The following GARNL3 variants were observed in gnomAD, a reference collection of about 807,000 sequenced individuals.
GARNL3 encodes GTPase activating Rap/RanGAP domain like 3, also known as GTPase-activating Rap/Ran-GAP domain-like protein 3.
A neutral mutation model predicts 125.0 loss-of-function variants in GARNL3; 63 were observed. The ratio of observed to expected loss-of-function variants is 0.50; its 90% CI spans 0.41 to 0.62. GARNL3 has a LOEUF of 0.62. GARNL3 is among the 20% of genes least tolerant of loss of function. The probability of loss-of-function intolerance (pLI) is 0.00; values close to 1 mark genes in which losing one functional copy is unlikely to be tolerated. For synonymous variants in GARNL3, 439 were observed against 457.5 expected (o/e 0.96, Z 0.52); for missense variants, 994 against 1,244.0 (o/e 0.80, Z 3.02).
chr9:127,316,539 C>T (rs1030376420), intron 4 of GARNL3, among the ~76,000 whole-genome samples: 2 of 152,120 alleles, frequency 1.3e-5, no homozygotes, highest in Non-Finnish European at 2.9e-5. Context: ...CAGAAGAACT[C>T]GGGTTTCAAT....
intron 26 of GARNL3, among the ~76,000 whole-genome samples, chr9:127,389,455 G>A (rs1832716262): frequency 6.6e-6 from 1 of 152,150 alleles, no homozygotes. Flanking sequence ...GTGTCTAGAA[G>A]GATTTATATC....
intron 17 of GARNL3, 81 bp downstream of exon 17, chr9:127,349,116 C>G: frequency 1.1e-6 from 1 of 921,062 alleles, no homozygotes; most frequent in Non-Finnish European, 1.8e-6. Flanking sequence ...CAACCAACTC[C>G]CTTTGGGCCA....
intron 21 of GARNL3, among the ~76,000 whole-genome samples, chr9:127,357,636 G>A (rs912621154): frequency 2.0e-5 from 3 of 151,934 alleles, no homozygotes; most frequent in Non-Finnish European, 4.4e-5. Context: ...CCATCCTTCC[G>A]AATAAAAGAG....
intron 2 of GARNL3, among the ~76,000 whole-genome samples, chr9:127,249,355 G>T (rs1314144776): frequency 6.6e-6 from 1 of 151,994 alleles, no homozygotes; most frequent in Admixed American, 6.5e-5. Flanking sequence ...AGGCTGAGGT[G>T]GGTGGATCAC....
intron 1 of GARNL3, among the ~76,000 whole-genome samples, chr9:127,241,868 A>T (rs1328087531): frequency 6.6e-6 from 1 of 152,116 alleles, no homozygotes; most frequent in Non-Finnish European, 1.5e-5. Flanking sequence ...CCTGGGTTCA[A>T]GTGATTCCTT....
intron 5 of GARNL3, 74 bp downstream of exon 5, chr9:127,318,201 CTGA>C: frequency 1.1e-6 from 1 of 886,544 alleles, no homozygotes; most frequent in South Asian, 1.3e-5. Flanking sequence ...TGTGATCATT[CTGA>C]TGTTACCTTT....
Position 127,344,302 on chromosome 9 carries a change from A to G in GARNL3, c.1319A>G (p.Glu440Gly). Residue 440 changes from glutamate (E) to glycine (G), a missense_variant, in exon 15 of 28, where the codon GAG becomes GGG. By Grantham distance (98) the Glu-to-Gly change is moderately conservative. This residue lies in a region of GARNL3 where 728 missense variants were observed against 865.7 expected (regional missense o/e 0.84). Transcript: ENST00000373387. The part of the protein sequence containing the change: ...PESPKSARKK[E>G]EARQAEFVRI... The stretch of plus-strand genomic sequence containing the variant: ...TCACCCAAGTCAGCGCGGAAGAAAG[A>G]GGAGGCCCGCCAGGCGGAGTTTGTT... 6.2e-7 allele frequency: 1 copy of G among 1,614,062 alleles called. No individual in the cohort carries two copies. The highest frequency in any genetic ancestry group is 1.1e-5 in the South Asian group (1 of 91,078).
chr9:127,278,517 A>T (rs1209389083), intron 1 of GARNL3, among the ~76,000 whole-genome samples: 1 of 152,184 alleles, frequency 6.6e-6, no homozygotes, highest in Non-Finnish European at 1.5e-5. Context: ...TTTCTTAATC[A>T]TTACATATCT....
intron 22 of GARNL3, among the ~76,000 whole-genome samples, chr9:127,379,077 C>A (rs1409312901): frequency 6.6e-6 from 1 of 152,184 alleles, no homozygotes; most frequent in Non-Finnish European, 1.5e-5. Flanking sequence ...TGAGCCCGGA[C>A]AACAGTGATT....
chr9:127,377,792 CAA>C (rs56965235), intron 22 of GARNL3, among the ~76,000 whole-genome samples: 4,394 of 67,294 alleles, frequency 0.065, 115 homozygotes, highest in African/African-American at 0.19. Context: ...GACTCCGTCT[CAA>C]AAAAAAAAAA....
intron 9 of GARNL3, among the ~76,000 whole-genome samples, chr9:127,334,235 ACCATCT>A (rs1829424827): frequency 1.3e-5 from 2 of 152,160 alleles, no homozygotes; most frequent in African/African-American, 4.8e-5. Context: ...AAGTTCTTTC[ACCATCT>A]CATTTTTGTG....
chr9:127,301,859 G>A (rs2064797636), intron 2 of GARNL3, among the ~76,000 whole-genome samples: 1 of 144,486 alleles, frequency 6.9e-6, no homozygotes, highest in Non-Finnish European at 1.5e-5. Flanking sequence ...TCAATTAGTA[G>A]ATGGTGCAGC....
At chr9:127,288,121 T>C (rs116595825) in intron 1 of GARNL3, among the ~76,000 whole-genome samples, 3,871 of 152,258 alleles carry the variant, frequency 0.025, 171 homozygotes, top group African/African-American at 0.089. Flanking sequence ...AGAGAGCGCC[T>C]GAGGAAAGAC....
chr9:127,329,841 A>G (rs1829120832), intron 7 of GARNL3, among the ~76,000 whole-genome samples: 1 of 152,190 alleles, frequency 6.6e-6, no homozygotes, highest in Non-Finnish European at 1.5e-5. Context: ...TTAAAATAAA[A>G]GCATGGACTC....
At chr9:127,325,171 C>T (rs756251018) in intron 7 of GARNL3, 76 bp downstream of exon 7, 223 of 1,437,412 alleles carry the variant, frequency 1.6e-4, no homozygotes, top group Non-Finnish European at 2.1e-4. Context: ...TCACTGTGAA[C>T]CCAGCCTTTG....
chr9:127,321,684 C>T (rs575991831), intron 6 of GARNL3, among the ~76,000 whole-genome samples: 2 of 152,306 alleles, frequency 1.3e-5, no homozygotes, highest in Non-Finnish European at 2.9e-5. Flanking sequence ...TTGAAACTTA[C>T]AAACACAGCC....
At chr9:127,317,900 G>A (rs971652559) in intron 4 of GARNL3, among the ~76,000 whole-genome samples, 163 bp from the exon 5 acceptor site, 7 of 152,144 alleles carry the variant, frequency 4.6e-5, no homozygotes, top group Non-Finnish European at 7.4e-5. Flanking sequence ...TATCAAACCT[G>A]AGCAAGATTG....
intron 17 of GARNL3, among the ~76,000 whole-genome samples, chr9:127,352,968 C>T (rs1386125149): frequency 1.3e-5 from 2 of 152,212 alleles, no homozygotes; most frequent in African/African-American, 2.4e-5. Flanking sequence ...TCTGCCTTGC[C>T]CTGATTCTGC....
At position 127,365,952 on chromosome 9, in the gene GARNL3, G is replaced by A. The variant is rs368162321; in HGVS notation, c.2161+586G>A. Among the ~76,000 whole-genome samples the A allele has an allele frequency of 5.3e-5, 8 of 152,282 alleles. 1 individual carries two copies. The highest frequency in any genetic ancestry group is 1.7e-4 in the African/African-American group (7 of 41,558). Reference sequence around the variant, plus strand: ...TTGGCCTAGTTTGGATTAGGTGGCAGGGTAGGTGTTGGGCAGACCAAAGGT... The same window carrying A: ...TTGGCCTAGTTTGGATTAGGTGGCAAGGTAGGTGTTGGGCAGACCAAAGGT... On this transcript the variant is annotated intron_variant, in intron 22 of 27. Coordinates refer to ENST00000373387, the MANE Select transcript of GARNL3 (RefSeq NM_032293.5).
Sources: gnomAD v4.1 joint callset for allele counts (sites outside exome capture counted in the v4.1 genomes callset) on GRCh38, gnomAD v4.1.1 for gene constraint, gnomAD v4.1.1 regional missense constraint, MANE v1.5 for transcripts, NCBI Gene and HGNC (gene_info 2026-07-23, HGNC 2026-07-21) for gene names.